Variants in OOSP2 observed in about 807,000 individuals in gnomAD.
OOSP2 encodes oocyte secreted protein 2.
OOSP2 carries 7 observed loss-of-function variants against 13.4 expected under a neutral mutation model. That is an observed-to-expected ratio of 0.52 (90% confidence interval 0.30 to 0.98). The LOEUF (loss-of-function observed/expected upper bound fraction) is 0.98, where lower values mean the gene tolerates loss of function less well. Among genes scored for constraint, OOSP2 ranks in the 50% least tolerant of loss-of-function variants. The pLI, the probability that OOSP2 is intolerant of heterozygous loss-of-function variation, is 0.07. For missense variants in OOSP2, 184 were observed against 188.5 expected (o/e 0.98, Z 0.14); for synonymous variants, 75 against 67.2 (o/e 1.12, Z -0.57).
chr11:60,046,851 A>G (rs914629815), intron 3 of OOSP2, 93 bp from the exon 4 acceptor site: 2 of 1,005,356 alleles, frequency 2.0e-6, no homozygotes, highest in Admixed American at 3.4e-5. Flanking sequence ...CTGAATGACT[A>G]TTCTGTATAT....
At chr11:60,042,013 G>T (rs943036864) in intron 1 of OOSP2, among the ~76,000 whole-genome samples, 2 of 151,944 alleles carry the variant, frequency 1.3e-5, no homozygotes, top group Admixed American at 1.3e-4. Flanking sequence ...CAGCTACTCG[G>T]GAGGCTGAGG....
At position 60,043,304 on chromosome 11, in the gene OOSP2, G is replaced by C. The variant is rs756112281; in HGVS notation, c.65-165G>C. The stretch of plus-strand genomic sequence containing the variant: ...GGGGCATAATTAGTTAGGTATTTTG[G>C]AAAATAATTTTAATAATGTTTGTAA... On this transcript the variant is annotated intron_variant, in intron 1 of 3. Transcript: ENST00000278855. Among the ~76,000 whole-genome samples, 186 of 152,108 alleles carry C rather than the reference G, an allele frequency of 1.2e-3. 2 individuals carry two copies. Among genetic ancestry groups the C allele is most frequent in the Non-Finnish European group, 2.2e-3 (147 of 68,024 alleles).
At chr11:60,044,369 C>A (rs1372261285) in intron 2 of OOSP2, among the ~76,000 whole-genome samples, 1 of 152,142 alleles carries the variant, frequency 6.6e-6, no homozygotes, top group Non-Finnish European at 1.5e-5. Context: ...ATTTGACTTA[C>A]AAATCACCTT....
intron 1 of OOSP2, among the ~76,000 whole-genome samples, chr11:60,042,899 TTTTC>T (rs1009694440): frequency 4.9e-4 from 75 of 152,156 alleles, no homozygotes; most frequent in African/African-American, 1.7e-3. Context: ...TGGTTTTTCA[TTTTC>T]TTTCTTATTT....
At position 60,047,115 on chromosome 11, in the gene OOSP2, T is replaced by C; in HGVS notation, c.*42T>C. 1 of 1,545,936 alleles carries C rather than the reference T, an allele frequency of 6.5e-7. No homozygotes were observed. Among genetic ancestry groups the C allele is most frequent in the South Asian group, 1.2e-5 (1 of 82,968 alleles). On this transcript the variant is annotated 3_prime_UTR_variant, in exon 4 of 4. Transcript: ENST00000278855. ...AAACTTGAAGCTGGTGTTATGTATTTTGCAGGAAAACAGTTTCATTTTTTC... is the reference window on the plus strand; with the variant it reads ...AAACTTGAAGCTGGTGTTATGTATTCTGCAGGAAAACAGTTTCATTTTTTC...
intron 1 of OOSP2, among the ~76,000 whole-genome samples, chr11:60,041,993 C>G (rs1260242302): frequency 6.6e-6 from 1 of 151,774 alleles, no homozygotes; most frequent in Non-Finnish European, 1.5e-5. Context: ...GTGCCTGTAG[C>G]CTGTAGTCCC....
intron 1 of OOSP2, among the ~76,000 whole-genome samples, chr11:60,043,065 C>T (rs1456734781): frequency 1.3e-5 from 2 of 151,908 alleles, no homozygotes; most frequent in South Asian, 2.1e-4. Flanking sequence ...CCACCACACC[C>T]GGCTAATTTT....
intron 1 of OOSP2, among the ~76,000 whole-genome samples, chr11:60,042,066 C>A (rs1006793434): frequency 1.3e-5 from 2 of 152,022 alleles, no homozygotes; most frequent in South Asian, 4.1e-4. Flanking sequence ...TTGCAGTGAG[C>A]GGAGACAGCG....
intron 1 of OOSP2, among the ~76,000 whole-genome samples, chr11:60,042,308 G>T (rs1355821751): frequency 6.6e-6 from 1 of 152,164 alleles, no homozygotes; most frequent in African/African-American, 2.4e-5. Flanking sequence ...TTTCCTAGGT[G>T]ATGTGAGAAC....
Position 60,043,599 on chromosome 11 carries a change from T to C in OOSP2, c.195T>C (p.Tyr65=). ...GCCCTGCAAATCGGATACATACATA[T>C]GTATATGAGTTTATATATCTTGTTC... The part of the protein sequence containing the change: ...MGCPANRIHT[Y]VYEFIYLVRD... Residue 65 remains tyrosine, a synonymous_variant, in exon 2 of 4, where the codon TAT becomes TAC. Transcript: ENST00000278855. The C allele has an allele frequency of 6.2e-7, 1 of 1,607,992 alleles. No individual in the cohort carries two copies. Among genetic ancestry groups the C allele is most frequent in the Non-Finnish European group, 8.5e-7 (1 of 1,174,518 alleles).
intron 2 of OOSP2, among the ~76,000 whole-genome samples, chr11:60,044,406 T>A (rs1854983941): frequency 6.6e-6 from 1 of 152,208 alleles, no homozygotes; most frequent in South Asian, 2.1e-4. Context: ...GGAAACCTTT[T>A]CATTAATGAA....
intron 1 of OOSP2, among the ~76,000 whole-genome samples, chr11:60,041,227 C>G (rs888752497): frequency 6.6e-6 from 1 of 152,056 alleles, no homozygotes; most frequent in Non-Finnish European, 1.5e-5. Context: ...GAAACTGATA[C>G]GTCAATTTCT....
At chr11:60,044,009 T>C (rs1854974882) in intron 2 of OOSP2, among the ~76,000 whole-genome samples, 1 of 152,238 alleles carries the variant, frequency 6.6e-6, no homozygotes, top group African/African-American at 2.4e-5. Flanking sequence ...AATCTATCCA[T>C]GTTCCATGAG....
At chr11:60,046,135 TGTCTCTCTGTCTCTCTG>T (rs796696278) in intron 3 of OOSP2, among the ~76,000 whole-genome samples, 2,896 of 149,988 alleles carry the variant, frequency 0.019, 77 homozygotes, top group African/African-American at 0.068. Context: ...CTCTCTGGCC[TGTCTCTCTGTCTCTCTG>T]GTCTCTCTGT....
intron 1 of OOSP2, 144 bp from the exon 2 acceptor site, chr11:60,043,325 T>C (rs1854962328): frequency 4.1e-6 from 2 of 490,082 alleles, no homozygotes; most frequent in South Asian, 1.1e-4. Flanking sequence ...TAATAATGTT[T>C]GTAAGAAAAC....
At chr11:60,042,149 ACTCGACTTTCTAATGTTACTGTG>A (rs1854942941) in intron 1 of OOSP2, among the ~76,000 whole-genome samples, 1 of 152,038 alleles carries the variant, frequency 6.6e-6, no homozygotes, top group Non-Finnish European at 1.5e-5. Flanking sequence ...CCCCCCCAAA[ACTCGACTTTCTAATGTTACTGTG>A]AAAAAAAATG....
At chr11:60,043,417 C>G (rs906238624) in intron 1 of OOSP2, 52 bp from the exon 2 acceptor site, 3 of 1,247,180 alleles carry the variant, frequency 2.4e-6, no homozygotes, top group Admixed American at 1.8e-5. Flanking sequence ...TCTTTGAACA[C>G]TTTCTTAAGA....
rs558098718 is a variant in OOSP2 at position 60,044,739 on chromosome 11, C to A, written c.312C>A (p.Asp104Glu). The A allele has an allele frequency of 4.7e-4, 747 of 1,600,718 alleles. 8 individuals carry two copies. In the South Asian group the frequency reaches 7.1e-3, roughly 15 times the overall value. ...TTACCCCAAGGAATATAGATCATGA[C>A]CCTCAGGAAATCCATTTGGAGTGTT... is the stretch of plus-strand genomic sequence containing the variant. ...LYFTPRNIDH[D>E]PQEIHLECST... Residue 104 changes from aspartate to glutamate, a missense_variant, in exon 3 of 4, where the codon GAC (aspartate) becomes GAA (glutamate). Transcript: ENST00000278855.
intron 2 of OOSP2, 107 bp from the exon 3 acceptor site, chr11:60,044,564 C>T: frequency 1.9e-6 from 1 of 521,946 alleles, no homozygotes; most frequent in Non-Finnish European, 3.5e-6. Context: ...TTAAGAATGA[C>T]AGTAGCCATT....
Sources: allele counts gnomAD v4.1 joint callset (sites outside exome capture counted in the v4.1 genomes callset), GRCh38; gene constraint gnomAD v4.1.1; transcripts MANE v1.5; gene names NCBI Gene and HGNC (gene_info 2026-07-23, HGNC 2026-07-21).